The following DTX1 variants were observed in gnomAD, a reference collection of about 807,000 sequenced individuals.
DTX1 encodes the protein deltex E3 ubiquitin ligase 1.
DTX1 carries 26 observed loss-of-function variants against 57.8 expected under a neutral mutation model. The observed-to-expected ratio is 0.45, with a 90% CI of 0.33 to 0.62. The LOEUF is 0.62. DTX1 is among the 20% of genes least tolerant of loss of function. The pLI, the probability that DTX1 is intolerant of heterozygous loss-of-function variation, is 0.02. For missense variants in DTX1, 704 were observed against 895.3 expected, an observed-to-expected ratio of 0.79 and a Z score of 2.73; for synonymous variants, 398 against 394.1, an observed-to-expected ratio of 1.01 and a Z score of -0.12.
At chr12:113,094,126 G>GGGGGGGGGGGGGGC in intron 6 of DTX1, 27 bp downstream of exon 6, 1 of 964,912 alleles carries the variant, frequency 1.0e-6, no homozygotes, top group Non-Finnish European at 1.6e-6. Flanking sequence ...GGGGCTGGGG[G>GGGGGGGGGGGGGGC]AGGGCCCTGG....
chr12:113,067,338 G>A (rs1409260227), intron 2 of DTX1, among the ~76,000 whole-genome samples: 4 of 152,118 alleles, frequency 2.6e-5, no homozygotes, highest in Admixed American at 6.5e-5. Context: ...TCTAGGGGGC[G>A]AAGGTTCACT....
chr12:113,058,084 C>G lies in DTX1; in HGVS notation c.-109C>G. On this transcript the variant is annotated 5_prime_UTR_variant, in exon 2 of 10. Coordinates refer to ENST00000548759, the MANE Select transcript of DTX1 (RefSeq NM_004416.3). ...ACCCAGAGTTAGAAAGGAGGCCAGA[C>G]GGTCCTTGCTGTCCCCCTGGGGAGA... is the stretch of plus-strand genomic sequence containing the variant. 1.4e-6 allele frequency: 2 copies of G among 1,428,484 alleles called. No homozygotes were observed. The highest frequency in any genetic ancestry group is 9.2e-7 in the Non-Finnish European group (1 of 1,088,556). 88.5% of individuals were successfully genotyped at this position (1,428,484 alleles called of 1,614,324 possible).
chr12:113,071,125 A>G (rs1476900137), intron 2 of DTX1, among the ~76,000 whole-genome samples: 1 of 152,032 alleles, frequency 6.6e-6, no homozygotes, highest in African/African-American at 2.4e-5. Flanking sequence ...TCAGTTTCCC[A>G]TGTTGGCCTT....
intron 3 of DTX1, 31 bp downstream of exon 3, chr12:113,078,136 T>G: frequency 7.5e-7 from 1 of 1,325,940 alleles, no homozygotes. Flanking sequence ...AGGGGGCCTC[T>G]GCGTCGTCCG....
rs950254730 is a variant in DTX1 at position 113,093,747 on chromosome 12, C to T, written c.1165+47C>T. The T allele has an allele frequency of 6.2e-7, 1 of 1,602,586 alleles. No homozygotes were observed. The highest frequency in any genetic ancestry group is 8.5e-7 in the Non-Finnish European group (1 of 1,172,476). On this transcript the variant is annotated intron_variant, in intron 5 of 9. Coordinates refer to ENST00000548759, the MANE Select transcript of DTX1 (RefSeq NM_004416.3). The surrounding 1 kb of genome is among the most constrained non-coding windows in gnomAD (Gnocchi z 4.2). ...TCACACGAGATGAACCCCACTAAGCCTTGACCACAACTCTGTGACCCCTGG... is the reference window on the plus strand; with the variant it reads ...TCACACGAGATGAACCCCACTAAGCTTTGACCACAACTCTGTGACCCCTGG...
intron 9 of DTX1, 108 bp downstream of exon 9, chr12:113,095,522 C>T: frequency 7.0e-7 from 1 of 1,420,834 alleles, no homozygotes; most frequent in Non-Finnish European, 9.6e-7. Context: ...CTCTCACATT[C>T]CTCCCAAAAG....
intron 2 of DTX1, among the ~76,000 whole-genome samples, chr12:113,074,441 C>T (rs764089026): frequency 4.6e-5 from 7 of 152,160 alleles, no homozygotes; most frequent in Non-Finnish European, 8.8e-5. Context: ...TGGACAGTGC[C>T]TGGTGTATTT....
chr12:113,064,995 C>G (rs1242096417), intron 2 of DTX1, among the ~76,000 whole-genome samples: 2 of 152,134 alleles, frequency 1.3e-5, no homozygotes, highest in Non-Finnish European at 2.9e-5. Context: ...TCAGCAGGGT[C>G]CTGGAGGAGG....
intron 3 of DTX1, among the ~76,000 whole-genome samples, chr12:113,084,970 G>A (rs747494057): frequency 5.2e-5 from 7 of 133,474 alleles, no homozygotes; most frequent in Non-Finnish European, 8.0e-5. Context: ...TTTTGCATCT[G>A]TGAAATGGGA....
intron 3 of DTX1, among the ~76,000 whole-genome samples, chr12:113,087,916 T>C (rs1392596457): frequency 6.6e-6 from 1 of 152,120 alleles, no homozygotes; most frequent in Non-Finnish European, 1.5e-5. Context: ...CCTGGACCCC[T>C]CTAGGGGACA....
chr12:113,067,991 A>G (rs1287260526), intron 2 of DTX1, among the ~76,000 whole-genome samples: 1 of 152,178 alleles, frequency 6.6e-6, no homozygotes, highest in Non-Finnish European at 1.5e-5. Flanking sequence ...GTGAGTTATC[A>G]TGGCACCACT....
intron 2 of DTX1, among the ~76,000 whole-genome samples, chr12:113,074,018 G>T (rs1307415445): frequency 2.6e-5 from 4 of 152,156 alleles, no homozygotes; most frequent in African/African-American, 9.7e-5. Context: ...ATCACCTGAG[G>T]TCAGGAGTTC....
Position 113,093,725 on chromosome 12 carries a change from C to T in DTX1, c.1165+25C>T, listed in dbSNP as rs377140287. The T allele has an allele frequency of 4.0e-5, 64 of 1,610,900 alleles. No homozygotes were observed. Among genetic ancestry groups the T allele is most frequent in the Admixed American group, 5.0e-5 (3 of 59,822 alleles). The stretch of plus-strand genomic sequence containing the variant: ...AGTACGCCCTCCACGCCCTGCCTCA[C>T]ACGAGATGAACCCCACTAAGCCTTG... On this transcript the variant is annotated intron_variant, in intron 5 of 9. Coordinates refer to ENST00000548759, the MANE Select transcript of DTX1 (RefSeq NM_004416.3). The surrounding 1 kb of genome is among the most constrained non-coding windows in gnomAD (Gnocchi z 4.2).
At chr12:113,068,404 G>T (rs1051854893) in intron 2 of DTX1, among the ~76,000 whole-genome samples, 1 of 152,328 alleles carries the variant, frequency 6.6e-6, no homozygotes, top group Non-Finnish European at 1.5e-5. Flanking sequence ...CGAGTGGTTT[G>T]CCCTAAGGAT....
intron 2 of DTX1, among the ~76,000 whole-genome samples, chr12:113,065,924 GGGGGTGCCT>G (rs1344922260): frequency 6.6e-6 from 1 of 152,138 alleles, no homozygotes; most frequent in Non-Finnish European, 1.5e-5. Flanking sequence ...CTTGGTGCAT[GGGGGTGCCT>G]GGGGTGCTCC....
chr12:113,071,400 C>CA (rs1024495023), intron 2 of DTX1, among the ~76,000 whole-genome samples: 6 of 152,218 alleles, frequency 3.9e-5, no homozygotes, highest in Non-Finnish European at 2.9e-5. Context: ...AAGGGGAAGA[C>CA]AACAAAGGCA....
At chr12:113,087,047 C>T (rs529216057) in intron 3 of DTX1, among the ~76,000 whole-genome samples, 45 of 152,124 alleles carry the variant, frequency 3.0e-4, no homozygotes, top group East Asian at 2.1e-3. Context: ...CCTACCTGAC[C>T]GGTCCTCCCT....
Position 113,087,725 on chromosome 12 carries a change from G to A in DTX1, c.942-5437G>A, listed in dbSNP as rs542499897. On this transcript the variant is annotated intron_variant, in intron 3 of 9. Transcript: ENST00000548759. ...CCTGGGGCTCTTTGGGGTCTGCTGGGTAAGTGTGAGGTATCCTGAAGGGGG... is the reference window on the plus strand; with the variant it reads ...CCTGGGGCTCTTTGGGGTCTGCTGGATAAGTGTGAGGTATCCTGAAGGGGG... Among the ~76,000 whole-genome samples, 6 of 152,270 alleles carry A rather than the reference G, an allele frequency of 3.9e-5. No homozygotes were observed. The East Asian group carries it at 1.2e-3, about 29-fold the overall frequency.
intron 3 of DTX1, among the ~76,000 whole-genome samples, chr12:113,086,790 A>G (rs1011312792): frequency 4.6e-5 from 7 of 152,182 alleles, no homozygotes; most frequent in Admixed American, 4.6e-4. Context: ...GTACACTGTG[A>G]AGTCAAGGAC....
Sources: gnomAD v4.1 joint callset for allele counts (sites outside exome capture counted in the v4.1 genomes callset) on GRCh38, gnomAD v4.1.1 for gene constraint, Gnocchi (gnomAD v3.1) non-coding constraint, MANE v1.5 for transcripts, NCBI Gene and HGNC (gene_info 2026-07-23, HGNC 2026-07-21) for gene names.